The following KIAA1958 variants were observed in gnomAD, a reference collection of about 807,000 sequenced individuals.
KIAA1958 encodes uncharacterized protein KIAA1958.
KIAA1958 carries 14 observed loss-of-function variants against 47.2 expected under a neutral mutation model. That is an observed-to-expected ratio of 0.30 (90% CI 0.20 to 0.46). The LOEUF (loss-of-function observed/expected upper bound fraction) is 0.46, where lower values mean the gene tolerates loss of function less well. Ranked by LOEUF, KIAA1958 falls within the 20% of genes least tolerant of loss-of-function variation. The pLI is 1.00. For synonymous variants in KIAA1958, 354 were observed against 353.3 expected (o/e 1.00, Z -0.02); for missense variants, 803 against 909.2 (o/e 0.88, Z 1.50).
At chr9:112,504,000 G>A (rs576555876) in intron 1 of KIAA1958, among the ~76,000 whole-genome samples, 2 of 151,570 alleles carry the variant, frequency 1.3e-5, no homozygotes, top group East Asian at 1.9e-4. Context: ...AATTAAAAAC[G>A]AAGTATTTTG....
intron 2 of KIAA1958, among the ~76,000 whole-genome samples, chr9:112,597,571 T>C (rs1162489155): frequency 6.6e-6 from 1 of 152,218 alleles, no homozygotes; most frequent in Non-Finnish European, 1.5e-5. Context: ...GTTTGCTTTA[T>C]TCCTCCAAAA....
intron 2 of KIAA1958, among the ~76,000 whole-genome samples, chr9:112,627,512 G>A (rs1198322979): frequency 2.0e-5 from 3 of 152,192 alleles, no homozygotes; most frequent in African/African-American, 7.2e-5. Flanking sequence ...CCAGCACTTT[G>A]GGAGACTGAG....
chr9:112,636,372 T>C (rs1588049331), intron 2 of KIAA1958, among the ~76,000 whole-genome samples: 1 of 152,188 alleles, frequency 6.6e-6, no homozygotes, highest in East Asian at 1.9e-4. Context: ...GTGTGTGTTG[T>C]TCTTCTTTAT....
intron 1 of KIAA1958, among the ~76,000 whole-genome samples, chr9:112,505,439 A>G (rs1373504565): frequency 6.6e-6 from 1 of 152,228 alleles, no homozygotes; most frequent in Non-Finnish European, 1.5e-5. Context: ...TGCCAGGCAC[A>G]TAGGTTATAT....
At chr9:112,578,948 T>C (rs938694853) in intron 2 of KIAA1958, among the ~76,000 whole-genome samples, 1 of 152,080 alleles carries the variant, frequency 6.6e-6, no homozygotes, top group African/African-American at 2.4e-5. Flanking sequence ...AGGATCCCTT[T>C]TATTAATCAG....
At chr9:112,600,580 G>A (rs1396967490) in intron 2 of KIAA1958, among the ~76,000 whole-genome samples, 1 of 152,124 alleles carries the variant, frequency 6.6e-6, no homozygotes, top group East Asian at 1.9e-4. Context: ...CAGCTTTATG[G>A]AATGGACGGT....
chr9:112,652,783 G>A (rs954718704), intron 3 of KIAA1958, among the ~76,000 whole-genome samples: 2 of 152,032 alleles, frequency 1.3e-5, no homozygotes, highest in Non-Finnish European at 2.9e-5. Flanking sequence ...CACCATGCCT[G>A]GCTAATTTTT....
chr9:112,545,598 G>A (rs1835014876), intron 1 of KIAA1958, among the ~76,000 whole-genome samples: 1 of 152,132 alleles, frequency 6.6e-6, no homozygotes, highest in African/African-American at 2.4e-5. Context: ...AAATGGAAAT[G>A]CTATCATCCC....
chr9:112,546,916 A>G (rs552677779), intron 1 of KIAA1958, among the ~76,000 whole-genome samples: 2 of 152,118 alleles, frequency 1.3e-5, no homozygotes, highest in East Asian at 3.9e-4. Context: ...CTTTCCTACC[A>G]GAGTTGTAAA....
In KIAA1958 at chr9:112,666,451, GAGTT is replaced by G. The variant is rs1269362770; in HGVS notation, c.*6386_*6389del. On this transcript the variant is annotated 3_prime_UTR_variant, in exon 4 of 4. Transcript: ENST00000337530. ...AATAAGTAATAGATTCAGGACTAGA[GAGTT>G]AGTCCAGAACTCTCTCCTCCATATC... is the stretch of plus-strand genomic sequence containing the variant. The G allele has an allele frequency of 1.3e-5, 2 of 152,120 alleles. No individual in the cohort carries two copies. The highest frequency in any genetic ancestry group is 2.9e-5 in the Non-Finnish European group (2 of 68,040). 9.4% of individuals were successfully genotyped at this position (152,120 alleles called of 1,614,324 possible).
At chr9:112,635,530 G>A in intron 2 of KIAA1958, among the ~76,000 whole-genome samples, 1 of 152,146 alleles carries the variant, frequency 6.6e-6, no homozygotes, top group Non-Finnish European at 1.5e-5. Context: ...GGGATTACAG[G>A]CGTGAGCCAC....
intron 1 of KIAA1958, among the ~76,000 whole-genome samples, chr9:112,505,128 G>A (rs1482784179): frequency 6.6e-6 from 1 of 152,108 alleles, no homozygotes; most frequent in Non-Finnish European, 1.5e-5. Flanking sequence ...CCATGTATAA[G>A]AATATGTGAT....
rs913785936 is a variant in KIAA1958, at chr9:112,661,561, T to G, written c.*1492T>G. Reference sequence around the variant, plus strand: ...CTTTTTGAAAACATTATTTTAGTATTTATTTTAATTAATTGGTTTCTTAAA... The same window carrying G: ...CTTTTTGAAAACATTATTTTAGTATGTATTTTAATTAATTGGTTTCTTAAA... On this transcript the variant is annotated 3_prime_UTR_variant, in exon 4 of 4. Coordinates refer to ENST00000337530, the MANE Select transcript of KIAA1958 (RefSeq NM_133465.4). 1 of 152,226 alleles carries G rather than the reference T, an allele frequency of 6.6e-6. No individual in the cohort carries two copies. Among genetic ancestry groups the G allele is most frequent in the African/African-American group, 2.4e-5 (1 of 41,462 alleles). The allele number at this position is 152,226 out of a possible 1,614,324, so 9.4% of individuals were successfully genotyped here. A position where few individuals can be genotyped will look rare whatever the true frequency, so the allele number is the denominator to read the frequency against.
intron 2 of KIAA1958, among the ~76,000 whole-genome samples, chr9:112,601,906 C>T (rs572537328): frequency 6.6e-6 from 1 of 152,310 alleles, no homozygotes; most frequent in African/African-American, 2.4e-5. Flanking sequence ...GACTAACATA[C>T]TATCGTTCCA....
At chr9:112,656,585 A>G (rs786989) in intron 3 of KIAA1958, among the ~76,000 whole-genome samples, 2,605 of 152,178 alleles carry the variant, frequency 0.017, 49 homozygotes, top group Non-Finnish European at 0.029. Context: ...GTTTATATTT[A>G]TATACTTTGG....
At chr9:112,605,014 ATTTTATATG>A (rs1341233882) in intron 2 of KIAA1958, among the ~76,000 whole-genome samples, 2 of 147,308 alleles carry the variant, frequency 1.4e-5, no homozygotes, top group Non-Finnish European at 3.0e-5. Flanking sequence ...TATGTTATAT[ATTTTATATG>A]TTTATATACA....
rs150809169 is a variant in KIAA1958, at chr9:112,629,479, A to C, written c.1172-16171A>C. ...AGAAAGGTGAATTGCAACAGAGGGA[A>C]ATTACTGTTACTGTGTCAAATATGT... On this transcript the variant is annotated intron_variant, in intron 2 of 3. Transcript: ENST00000337530. 7.4e-4 allele frequency among the ~76,000 whole-genome samples: 113 copies of C among 152,276 alleles called. 1 individual carries two copies. Among genetic ancestry groups the C allele is most frequent in the African/African-American group, 2.6e-3 (107 of 41,552 alleles).
chr9:112,502,594 C>T (rs920577451), intron 1 of KIAA1958, among the ~76,000 whole-genome samples: 1 of 152,190 alleles, frequency 6.6e-6, no homozygotes, highest in African/African-American at 2.4e-5. Context: ...ATATTAAGAG[C>T]CATAAATATA....
At chr9:112,548,547 G>A (rs1835083061) in intron 1 of KIAA1958, among the ~76,000 whole-genome samples, 1 of 152,032 alleles carries the variant, frequency 6.6e-6, no homozygotes, top group Non-Finnish European at 1.5e-5. Context: ...TTGACCCTTT[G>A]TGTCATCATA....
Sources: allele counts gnomAD v4.1 joint callset (sites outside exome capture counted in the v4.1 genomes callset), GRCh38; gene constraint gnomAD v4.1.1; transcripts MANE v1.5; gene names NCBI Gene and HGNC (gene_info 2026-07-23, HGNC 2026-07-21).